The following RP1L1 variants were observed in gnomAD, a reference collection of about 807,000 sequenced individuals.
The protein encoded by RP1L1 is retinitis pigmentosa 1-like 1 protein.
In RP1L1, 27 loss-of-function variants were observed where a neutral mutation model predicts 15.7. The observed-to-expected ratio is 1.72, with a 90% CI of 1.27 to 2.38. RP1L1 has a LOEUF of 2.38. RP1L1 is among the 30% of genes most tolerant of loss of function. The pLI, the probability that RP1L1 is intolerant of heterozygous loss-of-function variation, is 0.00. For missense variants in RP1L1, 4,798 were observed against 3,075.9 expected (o/e 1.56, Z -13.24); for synonymous variants, 1,813 against 1,276.7 (o/e 1.42, Z -8.96).
chr8:10,626,272 A>C (rs1331529571), intron 1 of RP1L1, among the ~76,000 whole-genome samples: 2 of 152,048 alleles, frequency 1.3e-5, no homozygotes, highest in African/African-American at 2.4e-5. Context: ...TGCAGGAGAG[A>C]ATGCAAGTGG....
In RP1L1 at chr8:10,610,065, C is replaced by T. The variant is rs1563122417; in HGVS notation, c.4033G>A (p.Glu1345Lys). The T allele has an allele frequency of 6.8e-7, 1 of 1,468,736 alleles. No individual in the cohort carries two copies. The highest frequency in any genetic ancestry group is 9.2e-7 in the Non-Finnish European group (1 of 1,091,506). 91.0% of individuals were successfully genotyped at this position (1,468,736 alleles called of 1,614,324 possible). A position where few individuals can be genotyped will look rare whatever the true frequency, so the allele number is the denominator to read the frequency against. The part of the protein sequence containing the change: ...GVQLEETKET[E>K]GEGQQEEEAQ... ...TCTTCTTCTTGCTGTCCTTCTCCTTCTGTTTCTTTAGTTTCCTCTAACTGC... is the reference window on the plus strand; with the variant it reads ...TCTTCTTCTTGCTGTCCTTCTCCTTTTGTTTCTTTAGTTTCCTCTAACTGC... Residue 1345 changes from glutamate to lysine, a missense_variant, in exon 4 of 4, where the codon GAA (glutamate) becomes AAA (lysine). Coordinates refer to ENST00000382483, the MANE Select transcript of RP1L1 (RefSeq NM_178857.6).
At chr8:10,647,141 C>T (rs755278575) in intron 1 of RP1L1, among the ~76,000 whole-genome samples, 7 of 152,182 alleles carry the variant, frequency 4.6e-5, no homozygotes, top group African/African-American at 9.7e-5. Context: ...TCCACTGAGG[C>T]GCCACGGCAG....
chr8:10,625,769 G>T (rs1439651062), intron 1 of RP1L1, among the ~76,000 whole-genome samples: 1 of 152,160 alleles, frequency 6.6e-6, no homozygotes, highest in Non-Finnish European at 1.5e-5. Context: ...GAAGCGGGGA[G>T]CTGTGGTGGG....
At chr8:10,624,940 C>G (rs531057492) in intron 1 of RP1L1, among the ~76,000 whole-genome samples, 7 of 152,170 alleles carry the variant, frequency 4.6e-5, no homozygotes, top group Non-Finnish European at 1.0e-4. Flanking sequence ...GACTCTGAAG[C>G]TGGGTTTCTG....
chr8:10,611,572 G>A lies in RP1L1; in HGVS notation c.2526C>T (p.Ser842=), dbSNP rs1422680488. The A allele has an allele frequency of 6.2e-7, 1 of 1,607,380 alleles. No homozygotes were observed. Among genetic ancestry groups the A allele is most frequent in the East Asian group, 2.2e-5 (1 of 44,738 alleles). ...QPAQEAQRGP[S]PEASWLCGRY... ...TGCCACACAGCCAGCTAGCCTCAGG[G>A]GAGGGTCCCCGCTGGGCCTCTTGGG... Residue 842 remains serine (S), a synonymous_variant, in exon 4 of 4, where the codon TCC becomes TCT. Transcript: ENST00000382483.
intron 1 of RP1L1, among the ~76,000 whole-genome samples, chr8:10,639,804 A>G (rs1366976275): frequency 6.6e-6 from 1 of 152,206 alleles, no homozygotes; most frequent in Non-Finnish European, 1.5e-5. Flanking sequence ...CCACACGACA[A>G]ATTTGAAAGA....
In RP1L1 at chr8:10,612,024, G is replaced by A. The variant is rs202214615; in HGVS notation, c.2074C>T (p.Arg692Trp). The change falls in exon 4 of 4, where the codon CGG becomes TGG. Residue 692 changes from arginine to tryptophan, a missense_variant. Transcript: ENST00000382483. ...GAGCCATCCTGGCAGGCCCTTCGCC[G>A]CTCAGGAGGCCTCGGCACTTGCTTG... ...VTKQVPRPPE[R>W]RRACQDGSVP... 58 of 1,613,878 alleles carry A rather than the reference G, an allele frequency of 3.6e-5. No homozygotes were observed. The African/African-American group carries it at 5.7e-4, about 16-fold the overall frequency.
intron 1 of RP1L1, among the ~76,000 whole-genome samples, chr8:10,641,171 T>C (rs1186587477): frequency 6.6e-6 from 1 of 152,228 alleles, no homozygotes; most frequent in Non-Finnish European, 1.5e-5. Context: ...TTCCATGTTC[T>C]TTGCATGTTT....
intron 1 of RP1L1, among the ~76,000 whole-genome samples, chr8:10,638,919 C>T (rs1303209114): frequency 3.3e-5 from 5 of 151,826 alleles, no homozygotes; most frequent in South Asian, 4.2e-4. Context: ...TTGAAGCCAG[C>T]GGATCACTTG....
Position 10,607,041 on chromosome 8 carries a change from C to T in RP1L1, c.7057G>A (p.Glu2353Lys). 3.7e-6 allele frequency: 6 copies of T among 1,614,246 alleles called. No individual in the cohort carries two copies. Among genetic ancestry groups the T allele is most frequent in the Non-Finnish European group, 5.1e-6 (6 of 1,180,040 alleles). ...GTCCTTGAGCCCAAAGGGGCCTCTT[C>T]TTGCTCAGAAGTAGAACTTTCTGGG... ...MYPESSTSEQ[E>K]EAPLGSRTPE... The change falls in exon 4 of 4, where the codon GAA becomes AAA. Residue 2353 changes from glutamate to lysine, a missense_variant. Glu to Lys is a moderately conservative substitution (Grantham distance 56, BLOSUM62 1). Transcript: ENST00000382483.
intron 2 of RP1L1, chr8:10,621,683 G>C (rs1798061331): frequency 6.1e-6 from 3 of 488,060 alleles, no homozygotes; most frequent in South Asian, 4.5e-5. Context: ...GGAGCAACAG[G>C]ACTGAATCTT....
chr8:10,610,320 T>G lies in RP1L1; in HGVS notation c.3778A>C (p.Thr1260Pro), dbSNP rs1359390205. 2 of 1,614,194 alleles carry G rather than the reference T, an allele frequency of 1.2e-6. No homozygotes were observed. The highest frequency in any genetic ancestry group is 1.7e-5 in the Admixed American group (1 of 60,030). The change falls in exon 4 of 4, where the codon ACC becomes CCC. Residue 1260 changes from threonine to proline, a missense_variant. Thr to Pro is a conservative substitution (Grantham distance 38). Coordinates refer to ENST00000382483, the MANE Select transcript of RP1L1 (RefSeq NM_178857.6). ...LENQQQCCFPTFLNARACACA... is the reference protein window; with the variant it reads ...LENQQQCCFPPFLNARACACA... The stretch of plus-strand genomic sequence containing the variant: ...GCGCAGGCTCGGGCGTTCAAGAAGG[T>G]TGGGAAACAACACTGCTGTTGGTTT...
Position 10,610,827 on chromosome 8 carries a change from C to T in RP1L1, c.3271G>A (p.Gly1091Ser). 6.2e-7 allele frequency: 1 copy of T among 1,607,544 alleles called. No homozygotes were observed. Among genetic ancestry groups the T allele is most frequent in the Non-Finnish European group, 8.5e-7 (1 of 1,176,100 alleles). The change falls in exon 4 of 4, where the codon GGC (glycine) becomes AGC (serine). Residue 1091 changes from glycine (G) to serine (S), a missense_variant. Transcript: ENST00000382483. Reference protein sequence around the residue: ...ASTQIMRALMGSKQGRPSSVP... With the variant: ...ASTQIMRALMSSKQGRPSSVP... ...CTGCTGGGCCGGCCCTGCTTGGAGC[C>T]CATCAGCGCCCTCATGATCTGCGTG...
Position 10,610,494 on chromosome 8 carries a change from C to G in RP1L1, c.3604G>C (p.Asp1202His). 2 of 1,613,766 alleles carry G rather than the reference C, an allele frequency of 1.2e-6. No homozygotes were observed. The highest frequency in any genetic ancestry group is 1.7e-6 in the Non-Finnish European group (2 of 1,180,006). The change falls in exon 4 of 4, where the codon GAC becomes CAC. Residue 1202 changes from aspartate to histidine, a missense_variant. Asp to His is a moderately conservative substitution (Grantham distance 81). Coordinates refer to ENST00000382483, the MANE Select transcript of RP1L1 (RefSeq NM_178857.6). The stretch of plus-strand genomic sequence containing the variant: ...GAGCCTCCAGAGCCGCTGCTGATGT[C>G]CACACCAGAGGAGGATGTGGGCGTG... ...NFTPTSSSGV[D>H]ISSGSGGSGE...
intron 1 of RP1L1, among the ~76,000 whole-genome samples, chr8:10,653,552 C>T (rs932087746): frequency 1.3e-5 from 2 of 151,488 alleles, no homozygotes; most frequent in East Asian, 1.9e-4. Context: ...GCACACCCAC[C>T]TGTATACACA....
chr8:10,610,964 C>T lies in RP1L1; in HGVS notation c.3134G>A (p.Gly1045Glu), dbSNP rs1391992129. ...GPQSGEGVPQ[G>E]AAPEGVSEAP... ...CTCGGAAACTCCCTCTGGAGCTGCCCCTTGGGGGACACCCTCTCCTGATTG... is the reference window on the plus strand; with the variant it reads ...CTCGGAAACTCCCTCTGGAGCTGCCTCTTGGGGGACACCCTCTCCTGATTG... Residue 1045 changes from glycine to glutamate, a missense_variant, in exon 4 of 4, where the codon GGG becomes GAG. Coordinates refer to ENST00000382483, the MANE Select transcript of RP1L1 (RefSeq NM_178857.6). 1.2e-6 allele frequency: 2 copies of T among 1,612,222 alleles called. No homozygotes were observed. Among genetic ancestry groups the T allele is most frequent in the Non-Finnish European group, 8.5e-7 (1 of 1,179,804 alleles).
At position 10,610,348 on chromosome 8, in the gene RP1L1, C is replaced by T. The variant is rs1351032740; in HGVS notation, c.3750G>A (p.Leu1250=). 4 of 1,614,040 alleles carry T rather than the reference C, an allele frequency of 2.5e-6. No homozygotes were observed. Among genetic ancestry groups the T allele is most frequent in the Non-Finnish European group, 3.4e-6 (4 of 1,180,046 alleles). ...DSRTYESPGD[L]ENQQQCCFPT... Reference sequence around the variant, plus strand: ...GGAAACAACACTGCTGTTGGTTTTCCAGATCCCCTGGGCTCTCATAAGTTC... The same window carrying T: ...GGAAACAACACTGCTGTTGGTTTTCTAGATCCCCTGGGCTCTCATAAGTTC... Residue 1250 remains leucine, a synonymous_variant, in exon 4 of 4, where the codon CTG becomes CTA. Transcript: ENST00000382483.
At position 10,613,210 on chromosome 8, in the gene RP1L1, C is replaced by T. The variant is rs757266314; in HGVS notation, c.888G>A (p.Thr296=). 5.0e-6 allele frequency: 8 copies of T among 1,613,344 alleles called. No individual in the cohort carries two copies. The highest frequency in any genetic ancestry group is 2.2e-5 in the East Asian group (1 of 44,890). ...CCACCAGCGGGCCCGACTGAGCTGG[C>T]GTGTCCTGAGGGTGCCTGCCAGGAG... ...GPAPGRHPQD[T]PAQSGPLVAG... is the part of the protein sequence containing the mutation. The change falls in exon 4 of 4, where the codon ACG becomes ACA. Residue 296 remains threonine, a synonymous_variant. Coordinates refer to ENST00000382483, the MANE Select transcript of RP1L1 (RefSeq NM_178857.6).
Position 10,610,159 on chromosome 8 carries a change from T to G in RP1L1, c.3939A>C (p.Glu1313Asp). ...ACTGCACCGCCTCTTCTTGCAGCCCTTCTCCTTCTGTTCCTTCTTTAGTTT... is the reference window on the plus strand; with the variant it reads ...ACTGCACCGCCTCTTCTTGCAGCCCGTCTCCTTCTGTTCCTTCTTTAGTTT... ...LEETKEGTEG[E>D]GLQEEAVQLE... The change falls in exon 4 of 4, where the codon GAA becomes GAC. Residue 1313 changes from glutamate to aspartate, a missense_variant. Transcript: ENST00000382483. 3 of 1,612,866 alleles carry G rather than the reference T, an allele frequency of 1.9e-6. No homozygotes were observed. The highest frequency in any genetic ancestry group is 2.2e-5 in the East Asian group (1 of 44,726).
Sources: gnomAD v4.1 joint callset for allele counts (sites outside exome capture counted in the v4.1 genomes callset) on GRCh38, gnomAD v4.1.1 for gene constraint, MANE v1.5 for transcripts, NCBI Gene and HGNC (gene_info 2026-07-23, HGNC 2026-07-21) for gene names.